EVI5: variants seen among roughly 807,000 people sequenced by gnomAD.
EVI5 encodes ecotropic viral integration site 5.
A neutral mutation model predicts 112.0 loss-of-function variants in EVI5; 73 were observed. That is an observed-to-expected ratio of 0.65 (90% confidence interval 0.54 to 0.79). EVI5 has a LOEUF of 0.79. Ranked by LOEUF, EVI5 falls within the 30% of genes least tolerant of loss-of-function variation. EVI5 has a pLI of 0.00. For synonymous variants in EVI5, 305 were observed against 319.9 expected, an observed-to-expected ratio of 0.95 and a Z score of 0.50; for missense variants, 900 against 968.8, an observed-to-expected ratio of 0.93 and a Z score of 0.94.
At chr1:92,763,870 G>A (rs189878591) in intron 1 of EVI5, among the ~76,000 whole-genome samples, 28 of 152,042 alleles carry the variant, frequency 1.8e-4, no homozygotes, top group African/African-American at 6.5e-4. Context: ...TCTAAAGAAA[G>A]GAAGAAAAGA....
chr1:92,777,630 A>G (rs1215232359), intron 1 of EVI5, among the ~76,000 whole-genome samples: 1 of 152,198 alleles, frequency 6.6e-6, no homozygotes, highest in Non-Finnish European at 1.5e-5. Flanking sequence ...ATAACCCCAT[A>G]AGGAGGAGAC....
In EVI5 at chr1:92,560,172, A is replaced by G. The variant is rs927864351; in HGVS notation, c.2166+3470T>C. ...AAATGTTCACCAACACAGTAGATGA[A>G]TAAATCATGGTATATTTATGCAAAG... On this transcript the variant is annotated intron_variant, in intron 19 of 19. Transcript: ENST00000684568. Among the ~76,000 whole-genome samples, 9 of 152,390 alleles carry G rather than the reference A, an allele frequency of 5.9e-5. 1 individual carries two copies. Among genetic ancestry groups the G allele is most frequent in the Admixed American group, 3.9e-4 (6 of 15,306 alleles).
chr1:92,704,547 A>G lies in EVI5; in HGVS notation c.339+8T>C. ...AAGAATAAGAACTTCAACAAAGAAC[A>G]TGAATACCTTAACTTGCTTTTCCTT... On this transcript the variant is annotated splice_region_variant and intron_variant, in intron 3 of 19. Coordinates refer to ENST00000684568, the MANE Select transcript of EVI5 (RefSeq NM_001350197.2). 2 of 1,537,604 alleles carry G rather than the reference A, an allele frequency of 1.3e-6. No individual in the cohort carries two copies. The highest frequency in any genetic ancestry group is 1.8e-6 in the Non-Finnish European group (2 of 1,135,980).
intron 1 of EVI5, among the ~76,000 whole-genome samples, chr1:92,742,023 C>G (rs901402005): frequency 1.3e-5 from 2 of 151,620 alleles, no homozygotes; most frequent in Admixed American, 1.3e-4. Context: ...AAAAATAACC[C>G]AGAAAAATGA....
intron 18 of EVI5, among the ~76,000 whole-genome samples, chr1:92,578,592 C>T (rs1303157316): frequency 6.6e-6 from 1 of 151,956 alleles, no homozygotes; most frequent in East Asian, 1.9e-4. Context: ...GTGGCGGGTG[C>T]CTGTAGTCCC....
intron 19 of EVI5, among the ~76,000 whole-genome samples, chr1:92,516,884 CAAAA>C (rs5776148): frequency 7.0e-6 from 1 of 142,086 alleles, no homozygotes; most frequent in African/African-American, 2.6e-5. Context: ...CCCTTTCCTC[CAAAA>C]AAAAAAAAAG....
intron 18 of EVI5, among the ~76,000 whole-genome samples, chr1:92,577,131 T>A (rs543600243): frequency 2.0e-5 from 3 of 152,340 alleles, no homozygotes; most frequent in Non-Finnish European, 2.9e-5. Context: ...CAAATCAGCC[T>A]CTATACATGT....
At chr1:92,649,712 G>C (rs1661735617) in intron 13 of EVI5, among the ~76,000 whole-genome samples, 1 of 152,144 alleles carries the variant, frequency 6.6e-6, no homozygotes, top group African/African-American at 2.4e-5. Flanking sequence ...TACTCGGGAG[G>C]CTGAGGTGAG....
chr1:92,658,835 A>G (rs1380965729), intron 13 of EVI5, among the ~76,000 whole-genome samples: 1 of 152,172 alleles, frequency 6.6e-6, no homozygotes, highest in Non-Finnish European at 1.5e-5. Context: ...AAATTATACT[A>G]CAAGGCTATA....
At chr1:92,544,503 C>G (rs991542270) in intron 19 of EVI5, among the ~76,000 whole-genome samples, 1 of 152,004 alleles carries the variant, frequency 6.6e-6, no homozygotes, top group African/African-American at 2.4e-5. Flanking sequence ...TCTTCTACAT[C>G]CAGTTTTTTC....
intron 9 of EVI5, among the ~76,000 whole-genome samples, chr1:92,691,230 A>G (rs1371390551): frequency 6.6e-6 from 1 of 152,220 alleles, no homozygotes; most frequent in Non-Finnish European, 1.5e-5. Flanking sequence ...ACTACTGTTA[A>G]GTGGTGGAAG....
At position 92,604,781 on chromosome 1, in the gene EVI5, G is replaced by A. The variant is rs184121629; in HGVS notation, c.2070+526C>T. Among the ~76,000 whole-genome samples, 10 of 152,324 alleles carry A rather than the reference G, an allele frequency of 6.6e-5. No homozygotes were observed. The East Asian group carries it at 1.9e-3, about 29-fold the overall frequency. On this transcript the variant is annotated intron_variant, in intron 18 of 19. Transcript: ENST00000684568. Reference sequence around the variant, plus strand: ...CTCATCACAAACACATGAGTAATGTGTTGCACTATAACATAATGATGGCTA... The same window carrying A: ...CTCATCACAAACACATGAGTAATGTATTGCACTATAACATAATGATGGCTA...
chr1:92,782,324 C>A, intron 1 of EVI5, among the ~76,000 whole-genome samples: 1 of 151,366 alleles, frequency 6.6e-6, no homozygotes, highest in Non-Finnish European at 1.5e-5. Context: ...AAAAAAACAC[C>A]ATTAAAAGAC....
In EVI5 at chr1:92,638,710, T is replaced by C. The variant is rs1659375059; in HGVS notation, c.1393-2374A>G. Among the ~76,000 whole-genome samples the C allele has an allele frequency of 2.0e-5, 3 of 152,166 alleles. No individual in the cohort carries two copies. The South Asian group carries it at 6.2e-4, about 32-fold the overall frequency. ...CCTTTAACCTTCACCACAATTACTG[T>C]CTTACTAATAAGGAAACTAATAGGG... is the stretch of plus-strand genomic sequence containing the variant. On this transcript the variant is annotated intron_variant, in intron 13 of 19. Transcript: ENST00000684568.
chr1:92,556,604 TAATG>T (rs1292202150), intron 19 of EVI5, among the ~76,000 whole-genome samples: 1 of 152,198 alleles, frequency 6.6e-6, no homozygotes, highest in African/African-American at 2.4e-5. Flanking sequence ...AGTGAGGACT[TAATG>T]TATTGTCATC....
chr1:92,509,961 A>G lies in EVI5; in HGVS notation c.*3695T>C, dbSNP rs1329148909. ...ATCGAGAACATTGTTCAATGCTTCA[A>G]AGTCTTGAACAACATACTTACATTA... On this transcript the variant is annotated 3_prime_UTR_variant, in exon 20 of 20. Transcript: ENST00000684568. 3 of 152,242 alleles carry G rather than the reference A, an allele frequency of 2.0e-5. No individual in the cohort carries two copies. Among genetic ancestry groups the G allele is most frequent in the African/African-American group, 7.2e-5 (3 of 41,462 alleles). The allele number at this position is 152,242 out of a possible 1,614,324, so 9.4% of individuals were successfully genotyped here.
intron 1 of EVI5, among the ~76,000 whole-genome samples, chr1:92,739,089 A>G (rs1300193340): frequency 2.0e-5 from 3 of 152,038 alleles, no homozygotes; most frequent in Admixed American, 1.3e-4. Flanking sequence ...CTTGGCCAAC[A>G]TGACAAAACC....
chr1:92,557,328 G>C (rs1667830850), intron 19 of EVI5, among the ~76,000 whole-genome samples: 1 of 151,778 alleles, frequency 6.6e-6, no homozygotes, highest in African/African-American at 2.4e-5. Context: ...CTGTGGCCCA[G>C]GCTGGAGTGC....
chr1:92,531,128 T>C (rs935690685), intron 19 of EVI5, among the ~76,000 whole-genome samples: 4 of 151,686 alleles, frequency 2.6e-5, no homozygotes, highest in African/African-American at 9.7e-5. Context: ...AGCATGAGAA[T>C]TTCATGAAGC....
Sources: gnomAD v4.1 joint callset for allele counts (sites outside exome capture counted in the v4.1 genomes callset) on GRCh38, gnomAD v4.1.1 for gene constraint, MANE v1.5 for transcripts, NCBI Gene and HGNC (gene_info 2026-07-23, HGNC 2026-07-21) for gene names.